Variants in CYP2C19 observed in about 807,000 individuals in gnomAD.
The protein encoded by CYP2C19 is cytochrome P450 family 2 subfamily C member 19.
Under a neutral mutation model 40.9 loss-of-function variants are expected in CYP2C19, and 59 were observed. The observed-to-expected ratio is 1.44, with a 90% CI of 1.17 to 1.79. The LOEUF (loss-of-function observed/expected upper bound fraction) is 1.79. Ranked by LOEUF, CYP2C19 falls within the 40% of genes most tolerant of loss-of-function variation. The probability of loss-of-function intolerance (pLI) is 0.00; values close to 1 mark genes in which losing one functional copy is unlikely to be tolerated. For missense variants in CYP2C19, 754 were observed against 596.9 expected, an observed-to-expected ratio of 1.26 and a Z score of -2.74; for synonymous variants, 253 against 208.7, an observed-to-expected ratio of 1.21 and a Z score of -1.83.
At chr10:94,835,908 C>T (rs890030871) in intron 6 of CYP2C19, among the ~76,000 whole-genome samples, 9 of 152,144 alleles carry the variant, frequency 5.9e-5, no homozygotes, top group East Asian at 3.8e-4. Flanking sequence ...CTGTGTACCT[C>T]GCTTTTTGAA....
intron 4 of CYP2C19, 21 bp from the exon 5 acceptor site, chr10:94,781,800 T>A: frequency 7.6e-7 from 1 of 1,308,150 alleles, no homozygotes; most frequent in Non-Finnish European, 1.0e-6. Context: ...TTTAATTTAA[T>A]AAATTATTGT....
chr10:94,847,816 T>C (rs1266067049), intron 7 of CYP2C19, among the ~76,000 whole-genome samples: 3 of 152,150 alleles, frequency 2.0e-5, no homozygotes, highest in African/African-American at 7.2e-5. Context: ...ATTTGCATTT[T>C]TGTGATGGCC....
At chr10:94,836,660 G>C (rs1849408140) in intron 6 of CYP2C19, among the ~76,000 whole-genome samples, 1 of 152,214 alleles carries the variant, frequency 6.6e-6, no homozygotes, top group South Asian at 2.1e-4. Context: ...ATGAGGATAA[G>C]CCAGAATAAG....
At chr10:94,814,616 T>G (rs1192665646) in intron 5 of CYP2C19, among the ~76,000 whole-genome samples, 1 of 151,668 alleles carries the variant, frequency 6.6e-6, no homozygotes, top group Admixed American at 6.6e-5. Flanking sequence ...GTTGTAGAAG[T>G]TTGCAGCAGT....
chr10:94,781,814 C>A lies in CYP2C19; in HGVS notation c.643-7C>A. On this transcript the variant is annotated splice_region_variant and splice_polypyrimidine_tract_variant and intron_variant, in intron 4 of 8. Coordinates refer to ENST00000371321, the MANE Select transcript of CYP2C19 (RefSeq NM_000769.4). ...TTTTAATTTAATAAATTATTGTTTT[C>A]TCTTAGATATGCAATAATTTTCCCA... 5 of 1,380,988 alleles carry A rather than the reference C, an allele frequency of 3.6e-6. No individual in the cohort carries two copies. In the Middle Eastern group the frequency reaches 9.4e-4, roughly 259 times the overall value. 85.5% of individuals were successfully genotyped at this position (1,380,988 alleles called of 1,614,324 possible). A position where few individuals can be genotyped will look rare whatever the true frequency, so the allele number is the denominator to read the frequency against.
intron 6 of CYP2C19, among the ~76,000 whole-genome samples, chr10:94,839,495 G>A (rs998706800): frequency 6.6e-6 from 1 of 152,190 alleles, no homozygotes; most frequent in Non-Finnish European, 1.5e-5. Context: ...GAGTCCTAGA[G>A]CTGGGCTGGG....
At chr10:94,810,985 T>A (rs1263287507) in intron 5 of CYP2C19, among the ~76,000 whole-genome samples, 1 of 152,190 alleles carries the variant, frequency 6.6e-6, no homozygotes, top group East Asian at 1.9e-4. Context: ...AGGGTGTTGA[T>A]TTTAGATCTT....
intron 8 of CYP2C19, 99 bp from the exon 9 acceptor site, chr10:94,852,634 G>C: frequency 7.5e-7 from 1 of 1,334,402 alleles, no homozygotes; most frequent in Non-Finnish European, 1.1e-6. Flanking sequence ...TCACCGAACA[G>C]TTCTTGCATA....
At chr10:94,767,640 C>T (rs1366010588) in intron 1 of CYP2C19, among the ~76,000 whole-genome samples, 1 of 152,156 alleles carries the variant, frequency 6.6e-6, no homozygotes, top group Non-Finnish European at 1.5e-5. Context: ...GCTTTGACTA[C>T]CTGTCGGATT....
chr10:94,818,220 G>C (rs1437974174), intron 5 of CYP2C19, among the ~76,000 whole-genome samples: 1 of 145,296 alleles, frequency 6.9e-6, no homozygotes, highest in Non-Finnish European at 1.5e-5. Context: ...CGTTATTTCT[G>C]AGGGCTCTGT....
chr10:94,837,857 C>G (rs939285872), intron 6 of CYP2C19, among the ~76,000 whole-genome samples: 1 of 152,194 alleles, frequency 6.6e-6, no homozygotes, highest in Non-Finnish European at 1.5e-5. Flanking sequence ...GACCTTCATC[C>G]CCTGGGGCAG....
At chr10:94,788,425 C>G (rs1848569913) in intron 5 of CYP2C19, among the ~76,000 whole-genome samples, 1 of 151,960 alleles carries the variant, frequency 6.6e-6, no homozygotes, top group African/African-American at 2.4e-5. Context: ...ACCTTAAGTT[C>G]TGGGGTACAT....
intron 6 of CYP2C19, among the ~76,000 whole-genome samples, chr10:94,835,320 G>T (rs1279218582): frequency 6.6e-6 from 1 of 152,166 alleles, no homozygotes. Context: ...TAAGTGAAAG[G>T]TTTGGTGAAG....
intron 6 of CYP2C19, among the ~76,000 whole-genome samples, chr10:94,829,643 C>T (rs1849294628): frequency 6.6e-6 from 1 of 151,634 alleles, no homozygotes; most frequent in African/African-American, 2.4e-5. Context: ...CTGAAGCCTT[C>T]TTCTCTCAGC....
chr10:94,846,603 T>C (rs893136843), intron 7 of CYP2C19, among the ~76,000 whole-genome samples: 1 of 152,160 alleles, frequency 6.6e-6, no homozygotes, highest in Non-Finnish European at 1.5e-5. Flanking sequence ...GATCTTGACC[T>C]GAATGGTTAC....
chr10:94,820,730 C>A, intron 6 of CYP2C19, 93 bp downstream of exon 6: 1 of 1,507,084 alleles, frequency 6.6e-7, no homozygotes, highest in Non-Finnish European at 9.1e-7. Flanking sequence ...TAGAGAAGTT[C>A]CATTATTTAA....
intron 5 of CYP2C19, among the ~76,000 whole-genome samples, chr10:94,793,806 C>T (rs1848643711): frequency 6.6e-6 from 1 of 152,132 alleles, no homozygotes; most frequent in African/African-American, 2.4e-5. Flanking sequence ...ACTCGGGAGC[C>T]AGGTACCCAC....
chr10:94,813,271 C>G (rs959554205), intron 5 of CYP2C19, among the ~76,000 whole-genome samples: 3 of 151,946 alleles, frequency 2.0e-5, no homozygotes, highest in Non-Finnish European at 4.4e-5. Context: ...TTGCCAGATA[C>G]CAGCCAAAGC....
At chr10:94,807,548 G>A (rs1207203739) in intron 5 of CYP2C19, among the ~76,000 whole-genome samples, 1 of 151,940 alleles carries the variant, frequency 6.6e-6, no homozygotes. Flanking sequence ...CCTCACCAGC[G>A]TTGGCTGTCT....
Sources: allele counts gnomAD v4.1 joint callset (sites outside exome capture counted in the v4.1 genomes callset), GRCh38; gene constraint gnomAD v4.1.1; transcripts MANE v1.5; gene names NCBI Gene and HGNC (gene_info 2026-07-23, HGNC 2026-07-21).